NPAS3: variants seen among roughly 807,000 people sequenced by gnomAD.
NPAS3 encodes the protein neuronal PAS domain protein 3.
Under a neutral mutation model 73.1 loss-of-function variants are expected in NPAS3, and 14 were observed. That is an observed-to-expected ratio of 0.19 (90% CI 0.13 to 0.30). NPAS3 has a LOEUF of 0.30. Among genes scored for constraint, NPAS3 ranks in the 10% least tolerant of loss-of-function variants. The pLI is 1.00. For missense variants in NPAS3, 1,096 were observed against 1,250.0 expected, an observed-to-expected ratio of 0.88 and a Z score of 1.86; for synonymous variants, 620 against 541.5, an observed-to-expected ratio of 1.14 and a Z score of -2.01.
At chr14:33,128,400 T>C (rs929398554) in intron 2 of NPAS3, among the ~76,000 whole-genome samples, 3 of 152,188 alleles carry the variant, frequency 2.0e-5, no homozygotes, top group Non-Finnish European at 4.4e-5. Flanking sequence ...TGTTCTTATA[T>C]ACCAGAAATT....
chr14:33,029,190 C>G (rs1200141321), intron 1 of NPAS3, among the ~76,000 whole-genome samples: 1 of 152,148 alleles, frequency 6.6e-6, no homozygotes, highest in African/African-American at 2.4e-5. Context: ...TTTTTCACAG[C>G]ACCACTGGAA....
upstream of NPAS3, chr14:32,935,092 C>G: frequency 1.5e-6 from 1 of 650,514 alleles, no homozygotes; most frequent in Non-Finnish European, 2.0e-6. Flanking sequence ...TGTCTTACAA[C>G]ACACATGCAC....
chr14:33,676,203 C>A lies in NPAS3; in HGVS notation c.559-8C>A, dbSNP rs768464335. ...TCTTTCCTTCCCACCCTTTCTCTCG[C>A]CCTCTAGGTGGAGCTGACAGGCAGC... On this transcript the variant is annotated splice_polypyrimidine_tract_variant and splice_region_variant and intron_variant, in intron 5 of 11. Coordinates refer to ENST00000356141, the Ensembl canonical transcript of NPAS3. 1 of 1,613,480 alleles carries A rather than the reference C, an allele frequency of 6.2e-7. No homozygotes were observed. Among genetic ancestry groups the A allele is most frequent in the Admixed American group, 1.7e-5 (1 of 59,950 alleles).
chr14:33,257,290 G>A, intron 3 of NPAS3, among the ~76,000 whole-genome samples: 1 of 152,128 alleles, frequency 6.6e-6, no homozygotes, highest in Non-Finnish European at 1.5e-5. Flanking sequence ...AGGCTTAGGG[G>A]AGTCTCAGCT....
chr14:33,422,336 A>G (rs971068259), intron 4 of NPAS3, among the ~76,000 whole-genome samples: 2 of 151,986 alleles, frequency 1.3e-5, no homozygotes, highest in African/African-American at 4.8e-5. Flanking sequence ...TTTTGTCTCC[A>G]TTAAATAAAA....
At chr14:33,639,035 T>A (rs2058604178) in intron 5 of NPAS3, among the ~76,000 whole-genome samples, 1 of 152,224 alleles carries the variant, frequency 6.6e-6, no homozygotes, top group Admixed American at 6.5e-5. Context: ...AAGGCCCATC[T>A]AATGTAATAC....
chr14:32,971,231 T>A (rs1273867611), intron 1 of NPAS3, among the ~76,000 whole-genome samples: 1 of 151,846 alleles, frequency 6.6e-6, no homozygotes, highest in African/African-American at 2.4e-5. Flanking sequence ...ATTACAGGCA[T>A]GCGCCACCAT....
chr14:33,466,673 A>G (rs1172968779), intron 4 of NPAS3, among the ~76,000 whole-genome samples: 1 of 152,180 alleles, frequency 6.6e-6, no homozygotes, highest in African/African-American at 2.4e-5. Context: ...GAAATTTACA[A>G]TCGTGGTGGA....
intron 2 of NPAS3, among the ~76,000 whole-genome samples, chr14:33,170,550 T>C (rs895858170): frequency 6.6e-6 from 1 of 152,242 alleles, no homozygotes; most frequent in Non-Finnish European, 1.5e-5. Flanking sequence ...TAGCATTTTA[T>C]CCACAGTAAA....
intron 4 of NPAS3, among the ~76,000 whole-genome samples, chr14:33,520,211 G>A (rs915336935): frequency 1.3e-5 from 2 of 152,122 alleles, no homozygotes; most frequent in African/African-American, 2.4e-5. Flanking sequence ...CCTCAAGAAG[G>A]AGTGAGTGTT....
intron 5 of NPAS3, among the ~76,000 whole-genome samples, chr14:33,571,010 G>A (rs1404240670): frequency 6.6e-6 from 1 of 152,158 alleles, no homozygotes; most frequent in East Asian, 1.9e-4. Context: ...TGCCAAGTAC[G>A]AGTATTTCTA....
intron 5 of NPAS3, among the ~76,000 whole-genome samples, chr14:33,631,027 G>C (rs947087503): frequency 6.6e-6 from 1 of 152,190 alleles, no homozygotes; most frequent in African/African-American, 2.4e-5. Context: ...TTTCAGAAGG[G>C]CTTGAAATAG....
intron 4 of NPAS3, among the ~76,000 whole-genome samples, chr14:33,510,269 T>G (rs2052982051): frequency 6.6e-6 from 1 of 152,054 alleles, no homozygotes; most frequent in African/African-American, 2.4e-5. Flanking sequence ...AAACCTTGTC[T>G]CACCACCCTT....
chr14:33,688,856 A>G (rs1347346633), intron 6 of NPAS3, among the ~76,000 whole-genome samples: 2 of 152,216 alleles, frequency 1.3e-5, no homozygotes, highest in Non-Finnish European at 2.9e-5. Context: ...TTTTGGTGCA[A>G]AGATATGATT....
chr14:33,496,633 T>G (rs899669109), intron 4 of NPAS3, among the ~76,000 whole-genome samples: 45 of 152,232 alleles, frequency 3.0e-4, no homozygotes, highest in African/African-American at 1.1e-3. Flanking sequence ...AGAAAAGGCC[T>G]TCGATAAAAT....
At chr14:33,093,884 C>G (rs190831858) in intron 2 of NPAS3, among the ~76,000 whole-genome samples, 1 of 150,974 alleles carries the variant, frequency 6.6e-6, no homozygotes, top group Non-Finnish European at 1.5e-5. Flanking sequence ...AAACCAAATA[C>G]CGTATGTTCT....
intron 10 of NPAS3, among the ~76,000 whole-genome samples, chr14:33,796,274 AGTC>A (rs2063510521): frequency 1.3e-5 from 2 of 152,196 alleles, no homozygotes; most frequent in Non-Finnish European, 2.9e-5. Flanking sequence ...CTGCTCCTCC[AGTC>A]TTCTTCCCAT....
intron 6 of NPAS3, among the ~76,000 whole-genome samples, chr14:33,731,163 T>G (rs2061387812): frequency 6.6e-6 from 1 of 152,030 alleles, no homozygotes; most frequent in Non-Finnish European, 1.5e-5. Flanking sequence ...GCACGGTGGC[T>G]CACACCTGTA....
chr14:33,368,320 A>T (rs1432227422), intron 4 of NPAS3, among the ~76,000 whole-genome samples: 2 of 151,854 alleles, frequency 1.3e-5, no homozygotes, highest in East Asian at 3.9e-4. Context: ...TAAAAAAAAA[A>T]AAAAGAAGAA....
Sources: gnomAD v4.1 joint callset for allele counts (sites outside exome capture counted in the v4.1 genomes callset) on GRCh38, gnomAD v4.1.1 for gene constraint, MANE v1.5 for transcripts, NCBI Gene and HGNC (gene_info 2026-07-23, HGNC 2026-07-21) for gene names.